ROBO1: variants seen among roughly 807,000 people sequenced by gnomAD.
ROBO1 encodes the protein roundabout homolog 1.
A neutral mutation model predicts 195.9 loss-of-function variants in ROBO1; 149 were observed. The ratio of observed to expected loss-of-function variants is 0.76; its 90% CI spans 0.67 to 0.87. ROBO1 has a LOEUF of 0.87. Among genes scored for constraint, ROBO1 ranks in the 40% least tolerant of loss-of-function variants. ROBO1 has a pLI of 0.00. For missense variants in ROBO1, 1,933 were observed against 2,068.3 expected, an observed-to-expected ratio of 0.93 and a Z score of 1.27; for synonymous variants, 816 against 733.2, an observed-to-expected ratio of 1.11 and a Z score of -1.82.
At chr3:79,119,047 ATAT>A (rs2080066672) in intron 3 of ROBO1, among the ~76,000 whole-genome samples, 1 of 152,174 alleles carries the variant, frequency 6.6e-6, no homozygotes, top group Admixed American at 6.6e-5. Flanking sequence ...CACACGGAAA[ATAT>A]TATCAAATTA....
intron 2 of ROBO1, among the ~76,000 whole-genome samples, chr3:79,173,427 C>G (rs1413295957): frequency 2.0e-5 from 3 of 151,826 alleles, no homozygotes; most frequent in African/African-American, 7.3e-5. Context: ...GGCCCGCACT[C>G]CGAGCAGCTG....
At chr3:79,073,308 TAA>T (rs1300690768) in intron 3 of ROBO1, among the ~76,000 whole-genome samples, 1 of 151,990 alleles carries the variant, frequency 6.6e-6, no homozygotes, top group Non-Finnish European at 1.5e-5. Context: ...TTTTTCTCAG[TAA>T]GTCTTTAATT....
chr3:79,742,444 C>T (rs1703688361), intron 1 of ROBO1, among the ~76,000 whole-genome samples: 2 of 152,088 alleles, frequency 1.3e-5, no homozygotes, highest in African/African-American at 4.8e-5. Flanking sequence ...CTAGCAGCCA[C>T]CAAGGTTTCC....
intron 3 of ROBO1, chr3:79,019,090 C>T: frequency 1.0e-6 from 1 of 988,548 alleles, no homozygotes; most frequent in Non-Finnish European, 1.2e-6. Flanking sequence ...TGGGCGGGCC[C>T]TTGTTCCCAT....
intron 2 of ROBO1, among the ~76,000 whole-genome samples, chr3:79,348,551 G>A (rs2035219476): frequency 6.6e-6 from 1 of 152,130 alleles, no homozygotes; most frequent in South Asian, 2.1e-4. Flanking sequence ...GTGACTTAGA[G>A]GCAGAAGACA....
chr3:79,164,119 G>A (rs1404747852), intron 2 of ROBO1, among the ~76,000 whole-genome samples: 1 of 152,098 alleles, frequency 6.6e-6, no homozygotes, highest in Non-Finnish European at 1.5e-5. Context: ...AATGGTCCAA[G>A]GGTGGGGGAA....
intron 10 of ROBO1, among the ~76,000 whole-genome samples, chr3:78,674,956 C>T (rs976913016): frequency 6.6e-6 from 1 of 151,998 alleles, no homozygotes; most frequent in African/African-American, 2.4e-5. Context: ...ATGGCTTTCA[C>T]AATCATTATT....
chr3:79,762,605 G>GATAAACACACAC (rs1361120325), intron 1 of ROBO1, among the ~76,000 whole-genome samples: 1 of 50,926 alleles, frequency 2.0e-5, no homozygotes, highest in Non-Finnish European at 4.4e-5. Flanking sequence ...CAGAATTCTG[G>GATAAACACACAC]ACAAACACAC....
intron 2 of ROBO1, among the ~76,000 whole-genome samples, chr3:79,562,458 A>G (rs996123544): frequency 2.0e-5 from 3 of 152,098 alleles, no homozygotes; most frequent in Admixed American, 6.6e-5. Context: ...GAGAAATGCA[A>G]ATCAAAACCA....
intron 5 of ROBO1, 41 bp from the exon 6 acceptor site, chr3:78,717,924 T>C (rs1314869747): frequency 6.2e-7 from 1 of 1,602,934 alleles, no homozygotes; most frequent in Non-Finnish European, 8.5e-7. Flanking sequence ...TAAAATTGCT[T>C]CAGCTATGTT....
chr3:79,272,926 T>A (rs2030695135), intron 2 of ROBO1, among the ~76,000 whole-genome samples: 1 of 152,016 alleles, frequency 6.6e-6, no homozygotes. Flanking sequence ...TCAATGGAAA[T>A]CTCACAGGCC....
At chr3:79,447,051 G>T (rs2039283670) in intron 2 of ROBO1, among the ~76,000 whole-genome samples, 1 of 151,418 alleles carries the variant, frequency 6.6e-6, no homozygotes, top group Non-Finnish European at 1.5e-5. Context: ...GTCTGGTCTC[G>T]AACTCCTGAC....
intron 28 of ROBO1, among the ~76,000 whole-genome samples, chr3:78,608,848 C>T (rs723765): frequency 0.55 from 83,016 of 151,774 alleles, 23,535 homozygotes; most frequent in East Asian, 0.8. Context: ...ACAGTTGGCT[C>T]GGTGAATGAA....
chr3:79,737,429 A>G (rs772126618), intron 1 of ROBO1, among the ~76,000 whole-genome samples: 6 of 152,192 alleles, frequency 3.9e-5, no homozygotes, highest in Non-Finnish European at 7.3e-5. Flanking sequence ...AGAAGACAAA[A>G]ATTAATTTAT....
intron 2 of ROBO1, among the ~76,000 whole-genome samples, chr3:79,266,431 G>A (rs2029956224): frequency 6.6e-6 from 1 of 151,548 alleles, no homozygotes; most frequent in South Asian, 2.1e-4. Context: ...ACCTGCAAGA[G>A]ATAGAAAATA....
intron 2 of ROBO1, among the ~76,000 whole-genome samples, chr3:79,499,722 G>C (rs1939952994): frequency 6.6e-6 from 1 of 152,166 alleles, no homozygotes; most frequent in Non-Finnish European, 1.5e-5. Flanking sequence ...ATTTACACTA[G>C]GTACAAGAGG....
chr3:78,714,420 G>A lies in ROBO1; in HGVS notation c.1022C>T (p.Ala341Val). 6.2e-7 allele frequency: 1 copy of A among 1,613,140 alleles called. No homozygotes were observed. ...VAENMVGKAEASATLTVQEPP... is the reference protein window; with the variant it reads ...VAENMVGKAEVSATLTVQEPP... ...ACCTTGAACAGTCAGAGTAGCAGATGCTTCAGCTTTGCCCACCATATTTTC... is the reference window on the plus strand; with the variant it reads ...ACCTTGAACAGTCAGAGTAGCAGATACTTCAGCTTTGCCCACCATATTTTC... Residue 341 changes from alanine to valine, a missense_variant, in exon 8 of 31, where the codon GCA becomes GTA. Ala to Val is a moderately conservative substitution (Grantham distance 64). Transcript: ENST00000464233.
In ROBO1 at chr3:78,879,600, C is replaced by A. The variant is rs1299696493; in HGVS notation, c.499+59001G>T. 2.0e-5 allele frequency among the ~76,000 whole-genome samples: 3 copies of A among 151,888 alleles called. 1 individual carries two copies. The highest frequency in any genetic ancestry group is 7.2e-5 in the African/African-American group (3 of 41,436). On this transcript the variant is annotated intron_variant, in intron 4 of 30. Transcript: ENST00000464233. ...GGGGATTAGAACCGCAGACGCTTTG[C>A]TGGCTCACATGTTCAAGCACATGCC...
chr3:79,232,479 A>G (rs1161135935), intron 2 of ROBO1, among the ~76,000 whole-genome samples: 1 of 151,690 alleles, frequency 6.6e-6, no homozygotes, highest in Non-Finnish European at 1.5e-5. Flanking sequence ...AAACATCACA[A>G]TCAAATTTTC....
Sources: allele counts gnomAD v4.1 joint callset (sites outside exome capture counted in the v4.1 genomes callset), GRCh38; gene constraint gnomAD v4.1.1; transcripts MANE v1.5; gene names NCBI Gene and HGNC (gene_info 2026-07-23, HGNC 2026-07-21).